ETV6: variants seen among roughly 807,000 people sequenced by gnomAD.
ETV6 encodes the protein ETS variant transcription factor 6, also known as transcription factor ETV6.
In ETV6, 16 loss-of-function variants were observed where a neutral mutation model predicts 51.1. The ratio of observed to expected loss-of-function variants is 0.31; its 90% CI spans 0.21 to 0.48. The LOEUF (loss-of-function observed/expected upper bound fraction) is 0.48, where lower values mean the gene tolerates loss of function less well. ETV6 is among the 20% of genes least tolerant of loss of function. The pLI is 0.99. For missense variants in ETV6, 458 were observed against 594.8 expected, an observed-to-expected ratio of 0.77 and a Z score of 2.39; for synonymous variants, 240 against 224.1, an observed-to-expected ratio of 1.07 and a Z score of -0.64.
intron 3 of ETV6, among the ~76,000 whole-genome samples, chr12:11,841,159 CTT>C (rs1429684463): frequency 6.6e-6 from 1 of 152,204 alleles, no homozygotes; most frequent in East Asian, 1.9e-4. Flanking sequence ...ACAGTGACCT[CTT>C]AGCATTATTT....
chr12:11,838,733 G>A (rs928939), intron 2 of ETV6, among the ~76,000 whole-genome samples: 21,826 of 152,222 alleles, frequency 0.14, 1,834 homozygotes, highest in South Asian at 0.33. Context: ...ACACTGACAC[G>A]TGTCATAGTT....
At chr12:11,686,154 G>A (rs1173105499) in intron 1 of ETV6, among the ~76,000 whole-genome samples, 1 of 152,226 alleles carries the variant, frequency 6.6e-6, no homozygotes, top group African/African-American at 2.4e-5. Flanking sequence ...ATTAAAAGCT[G>A]TGGATAGTTT....
At chr12:11,695,626 CT>C (rs1406785260) in intron 1 of ETV6, among the ~76,000 whole-genome samples, 3 of 152,226 alleles carry the variant, frequency 2.0e-5, no homozygotes. Context: ...TCTGTTAGTT[CT>C]GCAACATGCA....
rs1300906486 is a variant in ETV6 at position 11,720,281 on chromosome 12, A to G, written c.34-32169A>G. Among the ~76,000 whole-genome samples the G allele has an allele frequency of 4.6e-5, 7 of 152,240 alleles. No homozygotes were observed. The East Asian group carries it at 1.2e-3, about 25-fold the overall frequency. On this transcript the variant is annotated intron_variant, in intron 1 of 7. Transcript: ENST00000396373. ...AGTGTTGTCAAAGACACTTCTGGAT[A>G]TAAGTAAGAAACCATTGAGACTGAG... is the stretch of plus-strand genomic sequence containing the variant.
intron 2 of ETV6, among the ~76,000 whole-genome samples, chr12:11,776,748 T>C (rs1174597355): frequency 6.6e-6 from 1 of 152,172 alleles, no homozygotes; most frequent in African/African-American, 2.4e-5. Context: ...ACTTCAGCAA[T>C]ATGGGTAAAG....
At chr12:11,668,414 A>G (rs945460977) in intron 1 of ETV6, among the ~76,000 whole-genome samples, 8 of 151,126 alleles carry the variant, frequency 5.3e-5, no homozygotes, top group African/African-American at 2.0e-4. Flanking sequence ...TTTTTTTTTA[A>G]ATTGATGTGG....
chr12:11,826,749 A>G (rs1946158690), intron 2 of ETV6, among the ~76,000 whole-genome samples: 1 of 152,114 alleles, frequency 6.6e-6, no homozygotes, highest in South Asian at 2.1e-4. Context: ...GCAGCAAGGG[A>G]GGGCCTCCCA....
intron 1 of ETV6, among the ~76,000 whole-genome samples, chr12:11,653,958 G>A (rs1236648482): frequency 6.6e-6 from 1 of 151,866 alleles, no homozygotes; most frequent in African/African-American, 2.4e-5. Context: ...GATTACAGGT[G>A]CCCGCCACCA....
At chr12:11,769,548 A>G (rs574204397) in intron 2 of ETV6, among the ~76,000 whole-genome samples, 2 of 152,156 alleles carry the variant, frequency 1.3e-5, no homozygotes, top group African/African-American at 4.8e-5. Context: ...TTTCGAGTTC[A>G]TAGTAAGGGG....
intron 1 of ETV6, among the ~76,000 whole-genome samples, chr12:11,671,182 G>T (rs1864307110): frequency 6.6e-6 from 1 of 152,228 alleles, no homozygotes; most frequent in South Asian, 2.1e-4. Flanking sequence ...TGCTGCTAGA[G>T]TGGCTAGTTC....
chr12:11,650,344 T>TGCC (rs1555109433), intron 1 of ETV6, among the ~76,000 whole-genome samples, 184 bp downstream of exon 1: 1 of 127,508 alleles, frequency 7.8e-6, no homozygotes. Flanking sequence ...ACCTTGCTAC[T>TGCC]CCCCCCCACC....
chr12:11,779,716 G>C (rs1053615057), intron 2 of ETV6, among the ~76,000 whole-genome samples: 6 of 152,152 alleles, frequency 3.9e-5, no homozygotes, highest in Non-Finnish European at 5.9e-5. Context: ...TGGAAAACTT[G>C]GATCTCTAGA....
At chr12:11,738,872 G>A (rs991015160) in intron 1 of ETV6, among the ~76,000 whole-genome samples, 11 of 152,108 alleles carry the variant, frequency 7.2e-5, no homozygotes, top group African/African-American at 1.9e-4. Context: ...AGAGTGCCCC[G>A]AGCTCTAAGA....
At chr12:11,767,591 G>C (rs1945181729) in intron 2 of ETV6, among the ~76,000 whole-genome samples, 1 of 152,204 alleles carries the variant, frequency 6.6e-6, no homozygotes, top group Non-Finnish European at 1.5e-5. Flanking sequence ...CCTGTGACTT[G>C]GTATGAACTG....
intron 3 of ETV6, among the ~76,000 whole-genome samples, chr12:11,849,708 G>A (rs932558221): frequency 3.3e-5 from 5 of 152,168 alleles, no homozygotes; most frequent in African/African-American, 1.2e-4. Flanking sequence ...TGCTTGCGCC[G>A]TGACTGGCTA....
intron 1 of ETV6, among the ~76,000 whole-genome samples, chr12:11,650,885 G>A (rs1863894041): frequency 6.6e-6 from 1 of 152,194 alleles, no homozygotes; most frequent in South Asian, 2.1e-4. Context: ...CAGGCAAAAT[G>A]ACCTTCTGTG....
chr12:11,788,741 C>T (rs577860316), intron 2 of ETV6, among the ~76,000 whole-genome samples: 2 of 148,306 alleles, frequency 1.3e-5, no homozygotes, highest in East Asian at 2.0e-4. Context: ...ATTCTTAAAT[C>T]ACGTGCTTGT....
chr12:11,735,212 G>A (rs1865681074), intron 1 of ETV6, among the ~76,000 whole-genome samples: 1 of 147,780 alleles, frequency 6.8e-6, no homozygotes. Context: ...ATACGTGTCT[G>A]TAGTAGACCC....
intron 1 of ETV6, among the ~76,000 whole-genome samples, chr12:11,733,868 A>G (rs1208531651): frequency 6.6e-6 from 1 of 152,256 alleles, no homozygotes. Flanking sequence ...TTGTAAAACC[A>G]GCAGGAAAAC....
Sources: gnomAD v4.1 joint callset for allele counts (sites outside exome capture counted in the v4.1 genomes callset) on GRCh38, gnomAD v4.1.1 for gene constraint, MANE v1.5 for transcripts, NCBI Gene and HGNC (gene_info 2026-07-23, HGNC 2026-07-21) for gene names.